VPS13B: variants seen among roughly 807,000 people sequenced by gnomAD.
The protein encoded by VPS13B is intermembrane lipid transfer protein VPS13B.
Under a neutral mutation model 426.4 loss-of-function variants are expected in VPS13B, and 285 were observed. That is an observed-to-expected ratio of 0.67 (90% confidence interval 0.61 to 0.74). The LOEUF (loss-of-function observed/expected upper bound fraction) is 0.74. VPS13B is among the 30% of genes least tolerant of loss of function. The pLI, the probability that VPS13B is intolerant of heterozygous loss-of-function variation, is 0.00. For synonymous variants in VPS13B, 1,676 were observed against 1,676.4 expected, an observed-to-expected ratio of 1.00 and a Z score of 0.01; for missense variants, 4,537 against 4,782.6, an observed-to-expected ratio of 0.95 and a Z score of 1.51.
chr8:99,397,555 A>G (rs1394145353), intron 21 of VPS13B, among the ~76,000 whole-genome samples: 1 of 152,202 alleles, frequency 6.6e-6, no homozygotes, highest in Non-Finnish European at 1.5e-5. Flanking sequence ...TTGGCTGAAA[A>G]TATCAGACTA....
chr8:99,786,090 A>G (rs1812250242), intron 43 of VPS13B, among the ~76,000 whole-genome samples: 2 of 152,238 alleles, frequency 1.3e-5, no homozygotes, highest in South Asian at 4.2e-4. Flanking sequence ...GGGAAGGGTG[A>G]TCATAAGAGA....
intron 19 of VPS13B, among the ~76,000 whole-genome samples, chr8:99,383,626 C>G (rs1813956119): frequency 1.3e-5 from 2 of 152,098 alleles, no homozygotes; most frequent in Admixed American, 1.3e-4. Context: ...TTCTACTCTC[C>G]CCTCTCACAG....
At chr8:99,124,981 G>A (rs1279508198) in intron 8 of VPS13B, among the ~76,000 whole-genome samples, 3 of 150,912 alleles carry the variant, frequency 2.0e-5, no homozygotes, top group Non-Finnish European at 4.4e-5. Context: ...AGACACAAAA[G>A]GACAAATATT....
chr8:99,789,431 A>T (rs1444091832), intron 43 of VPS13B, among the ~76,000 whole-genome samples: 2 of 152,134 alleles, frequency 1.3e-5, no homozygotes, highest in Admixed American at 6.5e-5. Context: ...GTTTGTTTAG[A>T]AAGGGCAAAT....
intron 33 of VPS13B, among the ~76,000 whole-genome samples, chr8:99,591,777 C>G (rs1408318712): frequency 2.6e-5 from 4 of 152,016 alleles, no homozygotes; most frequent in Non-Finnish European, 5.9e-5. Context: ...TTCTGGCTGC[C>G]CTCAGCATTT....
Position 99,447,994 on chromosome 8 carries a change from T to C in VPS13B, c.3445+5359T>C, listed in dbSNP as rs184242125. On this transcript the variant is annotated intron_variant, in intron 23 of 61. Transcript: ENST00000357162. ...AACTCCTGCCAACATCTACTGCTTG[T>C]CTTTTTCATATTAAAAAATTATTTT... 2.8e-4 allele frequency among the ~76,000 whole-genome samples: 42 copies of C among 151,936 alleles called. No homozygotes were observed. The East Asian group carries it at 6.6e-3, about 24-fold the overall frequency.
chr8:99,375,114 A>C (rs1168225177), intron 19 of VPS13B, among the ~76,000 whole-genome samples: 1 of 152,192 alleles, frequency 6.6e-6, no homozygotes, highest in East Asian at 1.9e-4. Context: ...ACACCTGTGG[A>C]AAATAGATGG....
intron 17 of VPS13B, among the ~76,000 whole-genome samples, chr8:99,256,407 A>G (rs1817744027): frequency 6.6e-6 from 1 of 152,198 alleles, no homozygotes; most frequent in African/African-American, 2.4e-5. Flanking sequence ...TTTTGGGCAC[A>G]TACTTAGAAG....
chr8:99,856,785 G>A (rs942542002), intron 56 of VPS13B, among the ~76,000 whole-genome samples: 1 of 152,138 alleles, frequency 6.6e-6, no homozygotes, highest in Non-Finnish European at 1.5e-5. Flanking sequence ...AGGTTGCAGT[G>A]AGCCAAGACT....
chr8:99,868,145 C>A, intron 58 of VPS13B, 144 bp from the exon 59 acceptor site: 1 of 948,684 alleles, frequency 1.1e-6, no homozygotes, highest in Non-Finnish European at 1.6e-6. Context: ...ACTTAGATAA[C>A]TGGTAAACAA....
chr8:99,809,304 A>G, intron 43 of VPS13B, 71 bp from the exon 44 acceptor site: 1 of 1,594,792 alleles, frequency 6.3e-7, no homozygotes, highest in South Asian at 1.1e-5. Flanking sequence ...TCCAGCAATG[A>G]GACTTTCATT....
intron 37 of VPS13B, among the ~76,000 whole-genome samples, chr8:99,718,434 C>T (rs1286494809): frequency 5.3e-5 from 8 of 152,114 alleles, no homozygotes; most frequent in Admixed American, 5.2e-4. Context: ...AAATTAGTCA[C>T]ACTGCAAGCT....
At chr8:99,486,347 T>A (rs1228063962) in intron 25 of VPS13B, among the ~76,000 whole-genome samples, 6 of 152,028 alleles carry the variant, frequency 3.9e-5, no homozygotes, top group East Asian at 1.9e-4. Flanking sequence ...TGCCTCAGCC[T>A]CCTGAGTAGC....
At chr8:99,550,805 G>T (rs1054505092) in intron 30 of VPS13B, among the ~76,000 whole-genome samples, 2 of 151,974 alleles carry the variant, frequency 1.3e-5, no homozygotes, top group African/African-American at 4.8e-5. Flanking sequence ...GACTCATTTA[G>T]AAGTGTGTTT....
At chr8:99,579,589 G>A (rs1008823882) in intron 33 of VPS13B, among the ~76,000 whole-genome samples, 10 of 151,674 alleles carry the variant, frequency 6.6e-5, no homozygotes, top group South Asian at 6.2e-4. Context: ...TAGTAGAGAC[G>A]GGGTTTCACC....
chr8:99,413,494 G>A (rs749596864), intron 21 of VPS13B, among the ~76,000 whole-genome samples: 24 of 151,684 alleles, frequency 1.6e-4, no homozygotes, highest in Non-Finnish European at 3.1e-4. Context: ...GTTTGCTGTT[G>A]TTTCTCTAGT....
At chr8:99,077,203 A>G (rs1845175583) in intron 3 of VPS13B, among the ~76,000 whole-genome samples, 1 of 151,422 alleles carries the variant, frequency 6.6e-6, no homozygotes, top group Non-Finnish European at 1.5e-5. Context: ...AAGGAGTTTC[A>G]CGCTGGTTGC....
intron 3 of VPS13B, among the ~76,000 whole-genome samples, chr8:99,042,853 T>C (rs1262456809): frequency 6.6e-6 from 1 of 152,210 alleles, no homozygotes; most frequent in African/African-American, 2.4e-5. Flanking sequence ...AAAAGTGATA[T>C]GTTATTACTC....
chr8:99,766,872 G>C lies in VPS13B; in HGVS notation c.7149G>C (p.Leu2383Phe). ...LSESKVCELQ[L>F]PDINLVNDQK... ...AAAGCAAAGTTTGTGAACTGCAGTT[G>C]CCGGATATCAATCTCGTGAATGACC... Residue 2383 changes from leucine to phenylalanine, a missense_variant, in exon 40 of 62, where the codon TTG (leucine) becomes TTC (phenylalanine). Coordinates refer to ENST00000357162, the MANE Select transcript of VPS13B (RefSeq NM_152564.5). The C allele has an allele frequency of 6.2e-7, 1 of 1,614,032 alleles. No homozygotes were observed.
Sources: gnomAD v4.1 joint callset for allele counts (sites outside exome capture counted in the v4.1 genomes callset) on GRCh38, gnomAD v4.1.1 for gene constraint, MANE v1.5 for transcripts, NCBI Gene and HGNC (gene_info 2026-07-23, HGNC 2026-07-21) for gene names.